The following LGI2 variants were observed in gnomAD, a reference collection of about 807,000 sequenced individuals.
The protein encoded by LGI2 is leucine rich repeat LGI family member 2.
A neutral mutation model predicts 52.0 loss-of-function variants in LGI2; 30 were observed. The ratio of observed to expected loss-of-function variants is 0.58; its 90% CI spans 0.43 to 0.78. The LOEUF (loss-of-function observed/expected upper bound fraction) is 0.78. Among genes scored for constraint, LGI2 ranks in the 30% least tolerant of loss-of-function variants. LGI2 has a pLI of 0.00. For synonymous variants in LGI2, 270 were observed against 271.8 expected (o/e 0.99, Z 0.06); for missense variants, 573 against 692.5 (o/e 0.83, Z 1.94).
intron 4 of LGI2, among the ~76,000 whole-genome samples, chr4:25,021,319 A>T (rs910244443): frequency 2.0e-5 from 3 of 152,204 alleles, no homozygotes; most frequent in African/African-American, 4.8e-5. Context: ...GGACTGCTGG[A>T]AACAAATGTT....
downstream of LGI2, among the ~76,000 whole-genome samples, chr4:24,994,223 T>C (rs191548518): frequency 6.6e-6 from 1 of 152,350 alleles, no homozygotes; most frequent in East Asian, 1.9e-4. Context: ...ATTTCCTTTT[T>C]CTGGTCTGTT....
At chr4:25,022,155 C>A (rs902564755) in intron 4 of LGI2, among the ~76,000 whole-genome samples, 2 of 152,134 alleles carry the variant, frequency 1.3e-5, no homozygotes, top group Non-Finnish European at 2.9e-5. Context: ...AAACGAACAC[C>A]CAGGCAACAG....
At chr4:24,995,783 G>T (rs1434742881), downstream of LGI2, among the ~76,000 whole-genome samples, 1 of 152,170 alleles carries the variant, frequency 6.6e-6, no homozygotes, top group African/African-American at 2.4e-5. Context: ...ACCACTGCAG[G>T]TCACATGGTG....
chr4:25,019,742 G>C (rs144222166), intron 4 of LGI2, among the ~76,000 whole-genome samples: 228 of 152,276 alleles, frequency 1.5e-3, no homozygotes, highest in Non-Finnish European at 2.2e-3. Flanking sequence ...GAATTCCATT[G>C]CCTCCTTTGG....
At chr4:25,017,896 T>C (rs1725826784) in intron 6 of LGI2, 93 bp downstream of exon 6, 5 of 1,106,918 alleles carry the variant, frequency 4.5e-6, no homozygotes, top group Non-Finnish European at 4.9e-6. Context: ...AACAGTTCTA[T>C]ATTCACTTTT....
In LGI2 at chr4:25,003,474, T is replaced by C. The variant is rs759408128; in HGVS notation, c.1615A>G (p.Ile539Val). Residue 539 changes from isoleucine to valine, a missense_variant, in exon 8 of 8, where the codon ATA (isoleucine) becomes GTA (valine). Physicochemically the swap from Ile to Val is conservative, Grantham distance 29. Coordinates refer to ENST00000382114, the MANE Select transcript of LGI2 (RefSeq NM_018176.4). ...FKGKTKIFEH[I>V]IVDLSL ...CTTCACAAACTTAAGTCAACAATTATATGTTCAAAAATCTTTGTTTTCCCT... is the reference window on the plus strand; with the variant it reads ...CTTCACAAACTTAAGTCAACAATTACATGTTCAAAAATCTTTGTTTTCCCT... 81 of 1,595,038 alleles carry C rather than the reference T, an allele frequency of 5.1e-5. No homozygotes were observed. Among genetic ancestry groups the C allele is most frequent in the South Asian group, 3.4e-5 (3 of 87,118 alleles).
At chr4:25,018,259 AT>A in intron 5 of LGI2, 101 bp from the exon 6 acceptor site, 1 of 807,660 alleles carries the variant, frequency 1.2e-6, no homozygotes, top group Non-Finnish European at 1.9e-6. Flanking sequence ...ACATCCTGAT[AT>A]ATTTAAAACC....
intron 1 of LGI2, among the ~76,000 whole-genome samples, chr4:25,029,711 C>T (rs1038753331): frequency 6.6e-6 from 1 of 152,228 alleles, no homozygotes; most frequent in Non-Finnish European, 1.5e-5. Flanking sequence ...CTGTCAGTTC[C>T]TCCTGCTGAA....
downstream of LGI2, chr4:24,998,776 A>G (rs1226934845): frequency 6.6e-6 from 1 of 152,204 alleles, no homozygotes; most frequent in Non-Finnish European, 1.5e-5. Context: ...TCAGTGGCCC[A>G]TGGGTGTCCC....
chr4:25,006,712 A>G (rs1015461378), intron 7 of LGI2, among the ~76,000 whole-genome samples: 1 of 152,260 alleles, frequency 6.6e-6, no homozygotes, highest in African/African-American at 2.4e-5. Context: ...TTTAATCGTT[A>G]TAACAACTAT....
intron 6 of LGI2, among the ~76,000 whole-genome samples, chr4:25,016,849 T>C (rs1192782014): frequency 6.6e-6 from 1 of 152,194 alleles, no homozygotes; most frequent in Non-Finnish European, 1.5e-5. Flanking sequence ...GACTTGAGGC[T>C]TTGTAGATAT....
At chr4:25,015,938 T>C (rs535977314) in intron 6 of LGI2, among the ~76,000 whole-genome samples, 7 of 152,050 alleles carry the variant, frequency 4.6e-5, no homozygotes, top group African/African-American at 1.7e-4. Context: ...GATAAAACCA[T>C]AGCACAAAGC....
intron 3 of LGI2, among the ~76,000 whole-genome samples, chr4:25,026,323 C>T (rs571252834): frequency 2.0e-5 from 3 of 150,974 alleles, no homozygotes; most frequent in Non-Finnish European, 2.9e-5. Context: ...AAGCTCATTG[C>T]GAGGGGAGAA....
At position 25,001,428 on chromosome 4, in the gene LGI2, A is replaced by G. The variant is rs3796784; in HGVS notation, c.*2023T>C. ...AGTACCCATTTTTCTGCCCAGGTTT[A>G]TCTGAGTGGTTCCATGCAACAGAAA... is the stretch of plus-strand genomic sequence containing the variant. On this transcript the variant is annotated 3_prime_UTR_variant, in exon 8 of 8. Coordinates refer to ENST00000382114, the MANE Select transcript of LGI2 (RefSeq NM_018176.4). 0.47 allele frequency: 72,125 copies of G among 151,936 alleles called. 17,645 individuals carry two copies. The highest frequency in any genetic ancestry group is 0.77 in the East Asian group (3,983 of 5,160). The allele number at this position is 151,936 out of a possible 1,614,324, so 9.4% of individuals were successfully genotyped here.
intron 4 of LGI2, among the ~76,000 whole-genome samples, chr4:25,020,750 T>C (rs1232717925): frequency 2.0e-5 from 3 of 152,190 alleles, no homozygotes; most frequent in Admixed American, 6.5e-5. Flanking sequence ...ACCAAGTTAA[T>C]ATGGGGAGAC....
At chr4:25,006,366 T>C (rs1480877239) in intron 7 of LGI2, among the ~76,000 whole-genome samples, 3 of 152,200 alleles carry the variant, frequency 2.0e-5, no homozygotes, top group African/African-American at 4.8e-5. Flanking sequence ...AGGTTATTTC[T>C]TTCCTTTAAT....
chr4:25,028,700 G>A, intron 1 of LGI2, 122 bp from the exon 2 acceptor site: 1 of 772,350 alleles, frequency 1.3e-6, no homozygotes, highest in Non-Finnish European at 2.2e-6. Flanking sequence ...GTGAGGCATA[G>A]CACAGTTGCC....
In LGI2 at chr4:25,005,764, G is replaced by A. The variant is rs533743381; in HGVS notation, c.821-1496C>T. Among the ~76,000 whole-genome samples, 61 of 152,198 alleles carry A rather than the reference G, an allele frequency of 4.0e-4. 1 individual carries two copies. The highest frequency in any genetic ancestry group is 1.9e-3 in the South Asian group (9 of 4,818). On this transcript the variant is annotated intron_variant, in intron 7 of 7. Coordinates refer to ENST00000382114, the MANE Select transcript of LGI2 (RefSeq NM_018176.4). ...GGCTCTTTTGATTTCCAGAGCTAAA[G>A]GAAGCCAAGTGGAGGCAGAAAGAGT...
chr4:24,993,916 A>G (rs1333443006), downstream of LGI2, among the ~76,000 whole-genome samples: 1 of 152,228 alleles, frequency 6.6e-6, no homozygotes, highest in Non-Finnish European at 1.5e-5. Flanking sequence ...GGGGGGTTGG[A>G]GTGTCATTTT....
Sources: gnomAD v4.1 joint callset for allele counts (sites outside exome capture counted in the v4.1 genomes callset) on GRCh38, gnomAD v4.1.1 for gene constraint, MANE v1.5 for transcripts, NCBI Gene and HGNC (gene_info 2026-07-23, HGNC 2026-07-21) for gene names.